The following MLLT10 variants were observed in gnomAD, a reference collection of about 807,000 sequenced individuals.
The protein encoded by MLLT10 is protein AF-10.
Under a neutral mutation model 129.1 loss-of-function variants are expected in MLLT10, and 30 were observed. The observed-to-expected ratio is 0.23, with a 90% CI of 0.17 to 0.32. The LOEUF is 0.32. Ranked by LOEUF, MLLT10 falls within the 10% of genes least tolerant of loss-of-function variation. MLLT10 has a pLI of 1.00. For missense variants in MLLT10, 1,119 were observed against 1,268.3 expected (o/e 0.88, Z 1.79); for synonymous variants, 490 against 446.4 (o/e 1.10, Z -1.23).
chr10:21,617,083 C>T, intron 7 of MLLT10, 29 bp from the exon 8 acceptor site: 7 of 1,057,408 alleles, frequency 6.6e-6, no homozygotes, highest in Non-Finnish European at 6.6e-6. Flanking sequence ...TATACATATA[C>T]ATATATGTAT....
At chr10:21,553,114 G>A (rs980894977) in intron 3 of MLLT10, among the ~76,000 whole-genome samples, 1 of 152,050 alleles carries the variant, frequency 6.6e-6, no homozygotes, top group Non-Finnish European at 1.5e-5. Flanking sequence ...ATTTAAGAAG[G>A]CACATCTTCT....
intron 14 of MLLT10, among the ~76,000 whole-genome samples, chr10:21,725,177 G>A (rs917682624): frequency 6.6e-6 from 1 of 152,216 alleles, no homozygotes; most frequent in Non-Finnish European, 1.5e-5. Context: ...ACAGCTCCCT[G>A]TAGCTAAAAT....
chr10:21,580,463 A>G (rs911771719), intron 3 of MLLT10, among the ~76,000 whole-genome samples: 2 of 148,098 alleles, frequency 1.4e-5, no homozygotes, highest in African/African-American at 5.0e-5. Flanking sequence ...ATCTTGGCTC[A>G]CTGCAACCTC....
chr10:21,713,678 G>T, intron 13 of MLLT10, 94 bp from the exon 14 acceptor site: 1 of 1,038,806 alleles, frequency 9.6e-7, no homozygotes. Context: ...AATTGGAGGA[G>T]GGATCCAGGA....
chr10:21,606,109 C>T (rs368135386), intron 5 of MLLT10, among the ~76,000 whole-genome samples: 1 of 152,078 alleles, frequency 6.6e-6, no homozygotes, highest in African/African-American at 2.4e-5. Flanking sequence ...TGACCTTTGA[C>T]GTTACTGTGA....
chr10:21,647,436 C>T (rs1039429269), intron 8 of MLLT10, among the ~76,000 whole-genome samples: 8 of 152,094 alleles, frequency 5.3e-5, no homozygotes, highest in African/African-American at 1.9e-4. Context: ...CAGAAGGATC[C>T]TTTGAGCCCA....
chr10:21,625,986 T>G, intron 8 of MLLT10: 2 of 916,428 alleles, frequency 2.2e-6, no homozygotes, highest in Non-Finnish European at 3.7e-6. Context: ...TACACACTGT[T>G]TGGTGGAGGC....
At chr10:21,573,578 G>GTGTAT (rs1429692058) in intron 3 of MLLT10, among the ~76,000 whole-genome samples, 1 of 151,780 alleles carries the variant, frequency 6.6e-6, no homozygotes, top group African/African-American at 2.4e-5. Context: ...ATGCCATTTG[G>GTGTAT]TGTCATGGTG....
chr10:21,556,175 C>T (rs2037927981), intron 3 of MLLT10, among the ~76,000 whole-genome samples: 1 of 152,114 alleles, frequency 6.6e-6, no homozygotes, highest in South Asian at 2.1e-4. Context: ...GGGGTTTCGC[C>T]ATGTTGGCCA....
chr10:21,672,494 CGGG>C (rs2051561762), intron 10 of MLLT10, among the ~76,000 whole-genome samples: 1 of 152,076 alleles, frequency 6.6e-6, no homozygotes, highest in African/African-American at 2.4e-5. Context: ...TCAGTAGAGT[CGGG>C]GGTTTCACCA....
intron 10 of MLLT10, 128 bp from the exon 11 acceptor site, chr10:21,673,222 G>A (rs2051666159): frequency 3.7e-6 from 2 of 544,038 alleles, no homozygotes; most frequent in South Asian, 3.7e-5. Context: ...AAGTGTTGTA[G>A]TTAATTTTTT....
intron 8 of MLLT10, among the ~76,000 whole-genome samples, chr10:21,636,362 A>G (rs1394569743): frequency 6.6e-6 from 1 of 152,086 alleles, no homozygotes; most frequent in Non-Finnish European, 1.5e-5. Flanking sequence ...GGCTCAAGCT[A>G]TCCTTCTCCC....
At chr10:21,578,405 T>C (rs1029836423) in intron 3 of MLLT10, among the ~76,000 whole-genome samples, 2 of 152,198 alleles carry the variant, frequency 1.3e-5, no homozygotes, top group African/African-American at 2.4e-5. Flanking sequence ...GACTTGTAAA[T>C]ATTTCTTCCA....
At chr10:21,656,943 A>G (rs2049649473) in intron 9 of MLLT10, among the ~76,000 whole-genome samples, 1 of 152,200 alleles carries the variant, frequency 6.6e-6, no homozygotes, top group Admixed American at 6.5e-5. Flanking sequence ...CAAGAACTTG[A>G]TGTACGGAGT....
rs2058709325 is a variant in MLLT10 at position 21,740,166 on chromosome 10, C to T, written c.3092C>T (p.Pro1031Leu). 2.5e-6 allele frequency: 4 copies of T among 1,614,026 alleles called. No homozygotes were observed. The highest frequency in any genetic ancestry group is 3.4e-6 in the Non-Finnish European group (4 of 1,180,034). ...INNLLAGTQA[P>L]PLHTATTNPF... ...AACCTTCTTGCAGGTACACAGGCAC[C>T]CCCACTTCACACAGCTACCACCAAC... Residue 1031 changes from proline (P) to leucine (L), a missense_variant, in exon 22 of 23, where the codon CCC (proline) becomes CTC (leucine). Around this residue, in one of 5 missense-constraint regions of MLLT10, gnomAD observed 1,004 missense variants for 1,008.7 expected, o/e 1.00. Transcript: ENST00000307729.
chr10:21,604,062 C>T (rs1226848504), intron 5 of MLLT10, among the ~76,000 whole-genome samples: 1 of 152,064 alleles, frequency 6.6e-6, no homozygotes, highest in Non-Finnish European at 1.5e-5. Flanking sequence ...TTCTTGGGGA[C>T]CACAGTTCAA....
chr10:21,725,751 A>AC (rs1159495326), intron 14 of MLLT10, among the ~76,000 whole-genome samples: 2 of 148,156 alleles, frequency 1.3e-5, no homozygotes, highest in Non-Finnish European at 3.0e-5. Flanking sequence ...TAGTTACGTA[A>AC]CTTTTTTTTT....
intron 14 of MLLT10, among the ~76,000 whole-genome samples, chr10:21,714,157 T>C (rs2056351118): frequency 6.6e-6 from 1 of 152,224 alleles, no homozygotes; most frequent in South Asian, 2.1e-4. Flanking sequence ...CACCAACTAA[T>C]TCTTTTTAAT....
chr10:21,589,491 G>A (rs1564465113), intron 4 of MLLT10, among the ~76,000 whole-genome samples: 1 of 151,894 alleles, frequency 6.6e-6, no homozygotes, highest in African/African-American at 2.4e-5. Flanking sequence ...TGCACCTGGT[G>A]TAAACCTTCC....
Sources: allele counts gnomAD v4.1 joint callset (sites outside exome capture counted in the v4.1 genomes callset), GRCh38; gene constraint gnomAD v4.1.1; regional missense constraint gnomAD v4.1.1; transcripts MANE v1.5; gene names NCBI Gene and HGNC (gene_info 2026-07-23, HGNC 2026-07-21).